Variants in UGT2B17 observed in about 807,000 individuals in gnomAD.
UGT2B17 encodes UDP-glucuronosyltransferase 2B17.
In UGT2B17, 21 loss-of-function variants were observed where a neutral mutation model predicts 48.2. That is an observed-to-expected ratio of 0.44 (90% CI 0.31 to 0.63). The LOEUF (loss-of-function observed/expected upper bound fraction) is 0.63, where lower values mean the gene tolerates loss of function less well. UGT2B17 is among the 20% of genes least tolerant of loss of function. UGT2B17 has a pLI of 0.08. For synonymous variants in UGT2B17, 146 were observed against 238.4 expected (o/e 0.61, Z 3.57); for missense variants, 402 against 696.1 (o/e 0.58, Z 4.75).
rs2109758434 is a variant in UGT2B17 at position 68,541,184 on chromosome 4, A to G, written c.1314-3280T>C. 1.6e-5 allele frequency among the ~76,000 whole-genome samples: 2 copies of G among 126,206 alleles called. 1 individual carries two copies. The highest frequency in any genetic ancestry group is 7.4e-4 in the South Asian group (2 of 2,706). The allele number at this position is 126,206 out of a possible 152,430, so 82.8% of individuals were successfully genotyped here. On this transcript the variant is annotated intron_variant, in intron 6 of 6. Coordinates refer to ENST00000317746, the MANE Select transcript of UGT2B17 (RefSeq NM_001077.4). ...ATCAAGTAATGAGATTGCTAGGTCA[A>G]ATGGTGTTTCTGGTTCTAGATCTTT...
At position 68,545,216 on chromosome 4, in the gene UGT2B17, CAA is replaced by C. The variant is rs1353122968; in HGVS notation, c.1313+5459_1313+5460del. ...AAATGTAAAAGAACAGAAATTATAACAAACTATCTCTCAGACCACAGTGCAAT... is the reference window on the plus strand; with the variant it reads ...AAATGTAAAAGAACAGAAATTATAACACTATCTCTCAGACCACAGTGCAAT... On this transcript the variant is annotated intron_variant, in intron 6 of 6. Transcript: ENST00000317746. Among the ~76,000 whole-genome samples, 22 of 126,196 alleles carry C rather than the reference CAA, an allele frequency of 1.7e-4. 8 individuals are homozygous for C. The highest frequency in any genetic ancestry group is 2.7e-4 in the Non-Finnish European group (16 of 59,626). The allele number at this position is 126,196 out of a possible 152,430, so 82.8% of individuals were successfully genotyped here.
rs1010012730 is a variant in UGT2B17 at position 68,575,872 on chromosome 4, C to T, written c.-65+79G>A. Among the ~76,000 whole-genome samples the T allele has an allele frequency of 1.6e-5, 2 of 125,866 alleles. 1 individual carries two copies. Among genetic ancestry groups the T allele is most frequent in the Non-Finnish European group, 3.4e-5 (2 of 59,362 alleles). The allele number at this position is 125,866 out of a possible 152,430, so 82.6% of individuals were successfully genotyped here. The stretch of plus-strand genomic sequence containing the variant: ...CCAAGTCAAAACCAGAACAAAGGTG[C>T]CAACACAGGCACACCGTGGGTGACC... On this transcript the variant is annotated intron_variant, in intron 1 of 6. Coordinates refer to ENST00000317746, the MANE Select transcript of UGT2B17 (RefSeq NM_001077.4).
At chr4:68,556,328 C>A (rs1336357859) in intron 4 of UGT2B17, among the ~76,000 whole-genome samples, 3 of 122,230 alleles carry the variant, frequency 2.5e-5, no homozygotes, top group Non-Finnish European at 5.2e-5. Context: ...GTTTTCTCTC[C>A]CCTTTTAAAG....
At position 68,568,867 on chromosome 4, in the gene UGT2B17, C is replaced by A. The variant is rs568058803; in HGVS notation, c.-64-319G>T. ...ACTTTGTTGACACATAATTCATATACCATATGACTCACCAATTAGTGTGTA... is the reference window on the plus strand; with the variant it reads ...ACTTTGTTGACACATAATTCATATAACATATGACTCACCAATTAGTGTGTA... On this transcript the variant is annotated intron_variant, in intron 1 of 6. Transcript: ENST00000317746. 3.6e-4 allele frequency among the ~76,000 whole-genome samples: 49 copies of A among 135,592 alleles called. 1 individual carries two copies. Among genetic ancestry groups the A allele is most frequent in the Non-Finnish European group, 5.6e-4 (35 of 62,652 alleles). The allele number at this position is 135,592 out of a possible 152,430, so 89.0% of individuals were successfully genotyped here.
At chr4:68,572,820 G>A (rs1395220972) in intron 1 of UGT2B17, among the ~76,000 whole-genome samples, 1 of 125,974 alleles carries the variant, frequency 7.9e-6, no homozygotes, top group Non-Finnish European at 1.7e-5. Flanking sequence ...AGCCATGCGT[G>A]GACCAGTCAG....
At chr4:68,554,090 G>A (rs1218990177) in intron 4 of UGT2B17, among the ~76,000 whole-genome samples, 2 of 125,418 alleles carry the variant, frequency 1.6e-5, no homozygotes, top group Admixed American at 8.2e-5. Flanking sequence ...CCCTCTCAGA[G>A]GTCATACACC....
chr4:68,538,389 C>A lies in UGT2B17; in HGVS notation c.1314-485G>T, dbSNP rs951737071. 4.0e-5 allele frequency among the ~76,000 whole-genome samples: 5 copies of A among 124,294 alleles called. 1 individual carries two copies. The highest frequency in any genetic ancestry group is 2.5e-4 in the Admixed American group (3 of 12,006). The allele number at this position is 124,294 out of a possible 152,430, so 81.5% of individuals were successfully genotyped here. On this transcript the variant is annotated intron_variant, in intron 6 of 6. Transcript: ENST00000317746. Reference sequence around the variant, plus strand: ...AGCTGGGGCTACAGCTGCGCACCACCATGCCTGGCTATATTTTTTATTTTT... The same window carrying A: ...AGCTGGGGCTACAGCTGCGCACCACAATGCCTGGCTATATTTTTTATTTTT...
rs1343132928 is a variant in UGT2B17 at position 68,545,064 on chromosome 4, C to A, written c.1313+5613G>T. ...TCCAAGAATTGAACTCAGCTCTGCACGAAGAGGACCTAATAGACATCTACA... is the reference window on the plus strand; with the variant it reads ...TCCAAGAATTGAACTCAGCTCTGCAAGAAGAGGACCTAATAGACATCTACA... On this transcript the variant is annotated intron_variant, in intron 6 of 6. Transcript: ENST00000317746. Among the ~76,000 whole-genome samples the A allele has an allele frequency of 1.0e-4, 13 of 125,440 alleles. 2 individuals carry two copies. Among genetic ancestry groups the A allele is most frequent in the African/African-American group, 3.3e-4 (12 of 36,708 alleles). 82.3% of individuals were successfully genotyped at this position (125,440 alleles called of 152,430 possible). A position where few individuals can be genotyped will look rare whatever the true frequency, so the allele number is the denominator to read the frequency against.
In UGT2B17 at chr4:68,552,666, G is replaced by A. The variant is rs1168377222; in HGVS notation, c.1006-755C>T. On this transcript the variant is annotated intron_variant, in intron 4 of 6. Coordinates refer to ENST00000317746, the MANE Select transcript of UGT2B17 (RefSeq NM_001077.4). Reference sequence around the variant, plus strand: ...AAGAGACTCTGAGTGGAGGTTCCCTGACCTTTGATAAATGTCCTGTCAGTG... The same window carrying A: ...AAGAGACTCTGAGTGGAGGTTCCCTAACCTTTGATAAATGTCCTGTCAGTG... Among the ~76,000 whole-genome samples, 3 of 124,946 alleles carry A rather than the reference G, an allele frequency of 2.4e-5. 1 individual carries two copies. The highest frequency in any genetic ancestry group is 8.2e-5 in the African/African-American group (3 of 36,612). 82.0% of individuals were successfully genotyped at this position (124,946 alleles called of 152,430 possible).
chr4:68,540,625 G>A lies in UGT2B17; in HGVS notation c.1314-2721C>T, dbSNP rs115152042. On this transcript the variant is annotated intron_variant, in intron 6 of 6. Coordinates refer to ENST00000317746, the MANE Select transcript of UGT2B17 (RefSeq NM_001077.4). The stretch of plus-strand genomic sequence containing the variant: ...CAGGCTTGAGCCACCACATCTGGTC[G>A]GTTCACATTTTTTAAAAACAGTTTT... Among the ~76,000 whole-genome samples the A allele has an allele frequency of 5.8e-4, 73 of 126,542 alleles. 13 individuals are homozygous for A. Among genetic ancestry groups the A allele is most frequent in the African/African-American group, 1.9e-3 (70 of 37,172 alleles). The allele number at this position is 126,542 out of a possible 152,430, so 83.0% of individuals were successfully genotyped here.
At chr4:68,569,625 T>C (rs1459251996) in intron 1 of UGT2B17, among the ~76,000 whole-genome samples, 2 of 125,006 alleles carry the variant, frequency 1.6e-5, no homozygotes, top group Non-Finnish European at 3.4e-5. Flanking sequence ...GATGCAAGGC[T>C]GCTTGCATCA....
chr4:68,567,651 CA>C, intron 2 of UGT2B17, 109 bp downstream of exon 2: 2 of 830,486 alleles, frequency 2.4e-6, no homozygotes, highest in Non-Finnish European at 3.3e-6. Flanking sequence ...ATTTGCAATT[CA>C]TAATTTCCCA....
intron 3 of UGT2B17, among the ~76,000 whole-genome samples, chr4:68,564,290 A>ATTTTTT (rs1413452406): frequency 0.015 from 1,358 of 89,434 alleles, 150 homozygotes; most frequent in African/African-American, 0.076. Flanking sequence ...ATATATATAT[A>ATTTTTT]TATATTTTTT....
In UGT2B17 at chr4:68,570,557, TC is replaced by T. The variant is rs1454895246; in HGVS notation, c.-64-2010del. ...TGAGAGGGTCCTTCTCTTCCTTCAT[TC>T]CCCCCTTTTGAGACTCTCACTTTTT... On this transcript the variant is annotated intron_variant, in intron 1 of 6. Transcript: ENST00000317746. 3.2e-5 allele frequency among the ~76,000 whole-genome samples: 4 copies of T among 125,808 alleles called. 1 individual carries two copies. Among genetic ancestry groups the T allele is most frequent in the African/African-American group, 1.1e-4 (4 of 36,802 alleles). The allele number at this position is 125,808 out of a possible 152,430, so 82.5% of individuals were successfully genotyped here.
rs374869749 is a variant in UGT2B17, at chr4:68,550,748, G to A, written c.1242C>T (p.Leu414=). Residue 414 remains leucine (L), a synonymous_variant, in exon 6 of 7, where the codon CTC becomes CTT. Coordinates refer to ENST00000317746, the MANE Select transcript of UGT2B17 (RefSeq NM_001077.4). ...IAHMKAKGAA[L]SVDIRTMSSR... ...TTGACATGGTCCTGATGTCCACACT[G>A]AGGGCTGCTCCCTTGGCTTTCATGT... 2.2e-5 allele frequency: 30 copies of A among 1,386,790 alleles called. 6 individuals are homozygous for A. In the African/African-American group the frequency reaches 2.2e-4, roughly 10 times the overall value. 85.9% of individuals were successfully genotyped at this position (1,386,790 alleles called of 1,614,324 possible).
In UGT2B17 at chr4:68,537,650, G is replaced by T. The variant is rs370815401; in HGVS notation, c.1568C>A (p.Thr523Lys). Residue 523 changes from threonine (T) to lysine (K), a missense_variant, in exon 7 of 7, where the codon ACA (threonine) becomes AAA (lysine). Physicochemically the swap from Thr to Lys is moderately conservative, Grantham distance 78. Transcript: ENST00000317746. ...CTAATCCCTTTTCTTCTTCTTTCCT[G>T]TTTTGGCAAGCTTTCGGAAACAAAA... ...CLFCFRKLAK[T>K]GKKKKRD 1 of 1,373,392 alleles carries T rather than the reference G, an allele frequency of 7.3e-7. No homozygotes were observed. The highest frequency in any genetic ancestry group is 2.0e-5 in the Admixed American group (1 of 50,208). 85.1% of individuals were successfully genotyped at this position (1,373,392 alleles called of 1,614,324 possible).
chr4:68,569,962 G>C (rs1731273757), intron 1 of UGT2B17, among the ~76,000 whole-genome samples: 1 of 125,928 alleles, frequency 7.9e-6, no homozygotes, highest in Non-Finnish European at 1.7e-5. Context: ...GCCAAAACCT[G>C]GGTGGGGCTC....
At chr4:68,558,673 C>T (rs1366635971) in intron 4 of UGT2B17, among the ~76,000 whole-genome samples, 2 of 125,992 alleles carry the variant, frequency 1.6e-5, no homozygotes, top group African/African-American at 5.4e-5. Context: ...TAGGAATAAA[C>T]CTTCCTTGCC....
chr4:68,574,668 A>AATC (rs1230632806), intron 1 of UGT2B17, among the ~76,000 whole-genome samples: 1 of 126,756 alleles, frequency 7.9e-6, no homozygotes, highest in African/African-American at 2.7e-5. Flanking sequence ...GCCTCCTTAT[A>AATC]ATCTTCTCAT....
Sources: allele counts gnomAD v4.1 joint callset (sites outside exome capture counted in the v4.1 genomes callset), GRCh38; gene constraint gnomAD v4.1.1; transcripts MANE v1.5; gene names NCBI Gene and HGNC (gene_info 2026-07-23, HGNC 2026-07-21).